The following GRIK1 variants were observed in gnomAD, a reference collection of about 807,000 sequenced individuals.
GRIK1 encodes glutamate receptor ionotropic, kainate 1.
Under a neutral mutation model 105.7 loss-of-function variants are expected in GRIK1, and 69 were observed. The ratio of observed to expected loss-of-function variants is 0.65; its 90% CI spans 0.54 to 0.80. GRIK1 has a LOEUF of 0.80. GRIK1 is among the 30% of genes least tolerant of loss of function. The pLI is 0.00. For missense variants in GRIK1, 1,109 were observed against 1,167.3 expected (o/e 0.95, Z 0.73); for synonymous variants, 438 against 431.3 (o/e 1.02, Z -0.19).
intron 1 of GRIK1, among the ~76,000 whole-genome samples, chr21:29,935,296 A>G (rs190632789): frequency 6.6e-6 from 1 of 152,338 alleles, no homozygotes; most frequent in East Asian, 1.9e-4. Flanking sequence ...CATCAGCAGT[A>G]TAGATTGCAA....
In GRIK1 at chr21:29,790,742, C is replaced by A. The variant is rs1480627766; in HGVS notation, c.119-96679G>T. ...TGCTGGGATTACAGGGATGAGGCAC[C>A]ATGCCCTGCCTAGTAGATTCACCTT... On this transcript the variant is annotated intron_variant, in intron 1 of 17. Transcript: ENST00000327783. Among the ~76,000 whole-genome samples the A allele has an allele frequency of 3.3e-5, 5 of 152,322 alleles. 1 individual carries two copies. The East Asian group carries it at 9.6e-4, about 29-fold the overall frequency.
intron 1 of GRIK1, among the ~76,000 whole-genome samples, chr21:29,734,253 A>T (rs1356040139): frequency 6.6e-6 from 1 of 152,022 alleles, no homozygotes; most frequent in African/African-American, 2.4e-5. Flanking sequence ...CTTAGCCTCC[A>T]CTCTGTCCTT....
At chr21:29,590,016 C>T (rs1601198075) in intron 10 of GRIK1, among the ~76,000 whole-genome samples, 1 of 152,314 alleles carries the variant, frequency 6.6e-6, no homozygotes, top group East Asian at 1.9e-4. Flanking sequence ...GTCCCCTCTC[C>T]TATAAATAAT....
At chr21:29,547,384 A>T (rs1037598106) in intron 16 of GRIK1, among the ~76,000 whole-genome samples, 1 of 152,210 alleles carries the variant, frequency 6.6e-6, no homozygotes, top group Non-Finnish European at 1.5e-5. Context: ...TAGAAACAAA[A>T]ATCTCTTTTT....
chr21:29,851,706 C>A (rs2068309653), intron 1 of GRIK1, among the ~76,000 whole-genome samples: 1 of 152,174 alleles, frequency 6.6e-6, no homozygotes, highest in Non-Finnish European at 1.5e-5. Context: ...AGAGCCAGGG[C>A]TACTAGTCTA....
chr21:29,658,518 T>TCCCTAA (rs2062899572), intron 4 of GRIK1, among the ~76,000 whole-genome samples: 1 of 152,336 alleles, frequency 6.6e-6, no homozygotes, highest in African/African-American at 2.4e-5. Flanking sequence ...TGTCTTGGTC[T>TCCCTAA]CCCTAAGTGC....
intron 1 of GRIK1, among the ~76,000 whole-genome samples, chr21:29,854,902 G>A (rs961407314): frequency 3.9e-5 from 6 of 152,144 alleles, no homozygotes; most frequent in African/African-American, 1.2e-4. Context: ...GTGAAGTTGC[G>A]AATGGTTTAG....
At chr21:29,686,759 C>CA (rs1433542625) in intron 3 of GRIK1, among the ~76,000 whole-genome samples, 1 of 151,200 alleles carries the variant, frequency 6.6e-6, no homozygotes. Context: ...CCCTGCTCTC[C>CA]AGGAATCGCT....
At chr21:29,691,352 C>T (rs928185944) in intron 2 of GRIK1, among the ~76,000 whole-genome samples, 1 of 152,120 alleles carries the variant, frequency 6.6e-6, no homozygotes, top group African/African-American at 2.4e-5. Flanking sequence ...ATTTAAGCTG[C>T]TCCTAATTTT....
At chr21:29,887,922 A>G (rs182511555) in intron 1 of GRIK1, among the ~76,000 whole-genome samples, 2 of 152,138 alleles carry the variant, frequency 1.3e-5, no homozygotes, top group Admixed American at 1.3e-4. Context: ...TTTCCCAAAC[A>G]AAATCAGGGT....
At position 29,703,931 on chromosome 21, in the gene GRIK1, G is replaced by T. The variant is rs547366080; in HGVS notation, c.119-9868C>A. ...AAAGAGATTTGCATTAATTCACTAG[G>T]AATGGCCTTTGAGGGATAAGAAAAT... On this transcript the variant is annotated intron_variant, in intron 1 of 17. Coordinates refer to ENST00000327783, the MANE Select transcript of GRIK1 (RefSeq NM_001330994.2). Among the ~76,000 whole-genome samples, 230 of 152,326 alleles carry T rather than the reference G, an allele frequency of 1.5e-3. 1 individual carries two copies. Among genetic ancestry groups the T allele is most frequent in the African/African-American group, 5.4e-3 (224 of 41,572 alleles).
rs542492883 is a variant in GRIK1 at position 29,597,730 on chromosome 21, A to G, written c.1206+1100T>C. Reference sequence around the variant, plus strand: ...TGCATGTATAATGTGTACTCTCAAAACTGCAAACAAATTATTTTCCTCAAA... The same window carrying G: ...TGCATGTATAATGTGTACTCTCAAAGCTGCAAACAAATTATTTTCCTCAAA... On this transcript the variant is annotated intron_variant, in intron 8 of 17. Coordinates refer to ENST00000327783, the MANE Select transcript of GRIK1 (RefSeq NM_001330994.2). 18 of 372,676 alleles carry G rather than the reference A, an allele frequency of 4.8e-5. No individual in the cohort carries two copies. In the East Asian group the frequency reaches 1.0e-3, roughly 21 times the overall value. 23.1% of individuals were successfully genotyped at this position (372,676 alleles called of 1,614,324 possible). A position where few individuals can be genotyped will look rare whatever the true frequency, so the allele number is the denominator to read the frequency against.
At chr21:29,568,172 A>T (rs1304699855) in intron 14 of GRIK1, among the ~76,000 whole-genome samples, 1 of 152,338 alleles carries the variant, frequency 6.6e-6, no homozygotes, top group East Asian at 1.9e-4. Context: ...ATTTCTTCCC[A>T]AACAAATACA....
chr21:29,776,446 AT>A (rs2065945480), intron 1 of GRIK1, among the ~76,000 whole-genome samples: 1 of 152,204 alleles, frequency 6.6e-6, no homozygotes, highest in African/African-American at 2.4e-5. Flanking sequence ...CAATGAAAAG[AT>A]TTGTAGAAAA....
chr21:29,631,242 C>T (rs1182083071), intron 7 of GRIK1, among the ~76,000 whole-genome samples: 1 of 152,108 alleles, frequency 6.6e-6, no homozygotes, highest in Non-Finnish European at 1.5e-5. Context: ...TAATTGTGTA[C>T]CCCCACATTT....
intron 4 of GRIK1, among the ~76,000 whole-genome samples, chr21:29,668,545 T>C (rs1212222098): frequency 1.3e-5 from 2 of 152,206 alleles, no homozygotes; most frequent in African/African-American, 4.8e-5. Flanking sequence ...GGTCAGGTCA[T>C]GCGGCCTTGG....
chr21:29,563,852 G>T (rs1406757365), intron 14 of GRIK1, among the ~76,000 whole-genome samples: 2 of 152,142 alleles, frequency 1.3e-5, no homozygotes, highest in Non-Finnish European at 2.9e-5. Context: ...ACTTCAAAAA[G>T]TCACAAAGCA....
intron 1 of GRIK1, among the ~76,000 whole-genome samples, chr21:29,821,297 G>T (rs971177865): frequency 6.6e-6 from 1 of 151,970 alleles, no homozygotes; most frequent in African/African-American, 2.4e-5. Context: ...AGTTTACATT[G>T]TCTGTTTATA....
chr21:29,616,085 G>A (rs370407192), intron 7 of GRIK1, among the ~76,000 whole-genome samples: 46 of 152,324 alleles, frequency 3.0e-4, no homozygotes, highest in African/African-American at 7.9e-4. Flanking sequence ...CTCTTTGAAA[G>A]CTAACACTGC....
Sources: gnomAD v4.1 joint callset for allele counts (sites outside exome capture counted in the v4.1 genomes callset) on GRCh38, gnomAD v4.1.1 for gene constraint, MANE v1.5 for transcripts, NCBI Gene and HGNC (gene_info 2026-07-23, HGNC 2026-07-21) for gene names.